FAM91A1: variants seen among roughly 807,000 people sequenced by gnomAD.
The protein encoded by FAM91A1 is family with sequence similarity 91 member A1.
In FAM91A1, 41 loss-of-function variants were observed where a neutral mutation model predicts 113.5. The ratio of observed to expected loss-of-function variants is 0.36; its 90% CI spans 0.28 to 0.47. FAM91A1 has a LOEUF of 0.47. FAM91A1 is among the 20% of genes least tolerant of loss of function. The probability of loss-of-function intolerance (pLI) is 1.00; values close to 1 mark genes in which losing one functional copy is unlikely to be tolerated. For synonymous variants in FAM91A1, 307 were observed against 347.9 expected (o/e 0.88, Z 1.31); for missense variants, 696 against 1,001.2 (o/e 0.70, Z 4.11).
At chr8:123,803,769 G>A (rs1205442702) in intron 18 of FAM91A1, among the ~76,000 whole-genome samples, 3 of 152,104 alleles carry the variant, frequency 2.0e-5, no homozygotes, top group African/African-American at 7.2e-5. Flanking sequence ...TCAGGTTTAG[G>A]AAATAAAAGA....
intron 3 of FAM91A1, 68 bp downstream of exon 3, chr8:123,775,366 T>C (rs1172424513): frequency 7.7e-6 from 12 of 1,551,666 alleles, no homozygotes; most frequent in Non-Finnish European, 1.1e-5. Context: ...TTTTTGCAGA[T>C]GTTCACCAGC....
rs998629667 is a variant in FAM91A1, at chr8:123,768,532, C to T, written c.-171C>T. On this transcript the variant is annotated 5_prime_UTR_variant, in exon 1 of 24. Coordinates refer to ENST00000334705, the MANE Select transcript of FAM91A1 (RefSeq NM_144963.4). Reference sequence around the variant, plus strand: ...GCTGCTGCTCTTGTACTCGGTTGGCCCGGGCGGCGCTGAACTGTCGGGAGC... The same window carrying T: ...GCTGCTGCTCTTGTACTCGGTTGGCTCGGGCGGCGCTGAACTGTCGGGAGC... The T allele has an allele frequency of 2.4e-5, 13 of 541,702 alleles. No homozygotes were observed. Among genetic ancestry groups the T allele is most frequent in the Non-Finnish European group, 3.9e-5 (12 of 310,402 alleles). The allele number at this position is 541,702 out of a possible 1,614,324, so 33.6% of individuals were successfully genotyped here. A position where few individuals can be genotyped will look rare whatever the true frequency, so the allele number is the denominator to read the frequency against.
intron 5 of FAM91A1, among the ~76,000 whole-genome samples, chr8:123,778,420 G>A (rs1815038996): frequency 6.6e-6 from 1 of 152,122 alleles, no homozygotes; most frequent in African/African-American, 2.4e-5. Flanking sequence ...TTTCACTTGA[G>A]TTTGTGGAAG....
At chr8:123,778,345 T>A (rs1166408855) in intron 5 of FAM91A1, among the ~76,000 whole-genome samples, 1 of 152,218 alleles carries the variant, frequency 6.6e-6, no homozygotes, top group Non-Finnish European at 1.5e-5. Flanking sequence ...TCATTCTACT[T>A]GTACAGTTCA....
intron 12 of FAM91A1, among the ~76,000 whole-genome samples, chr8:123,786,995 G>A (rs907455373): frequency 2.6e-5 from 4 of 152,142 alleles, no homozygotes; most frequent in African/African-American, 9.7e-5. Flanking sequence ...GGTCAGGGAA[G>A]GAAAGCCATT....
At chr8:123,806,337 T>C (rs1815811755) in intron 20 of FAM91A1, 108 bp downstream of exon 20, 1 of 1,171,120 alleles carries the variant, frequency 8.5e-7, no homozygotes, top group Non-Finnish European at 1.2e-6. Flanking sequence ...AATTATTGAA[T>C]ACTCAATATT....
At position 123,813,793 on chromosome 8, in the gene FAM91A1, A is replaced by G. The variant is rs547007933; in HGVS notation, c.*1089A>G. 3 of 152,746 alleles carry G rather than the reference A, an allele frequency of 2.0e-5. No individual in the cohort carries two copies. Among genetic ancestry groups the G allele is most frequent in the Admixed American group, 1.3e-4 (2 of 15,300 alleles). 9.5% of individuals were successfully genotyped at this position (152,746 alleles called of 1,614,324 possible). ...AATCACTTTTTAGACTTTTCAAGTT[A>G]CCTTCCTTGGGAAGTTTGTGCAGTG... On this transcript the variant is annotated 3_prime_UTR_variant, in exon 24 of 24. Coordinates refer to ENST00000334705, the MANE Select transcript of FAM91A1 (RefSeq NM_144963.4).
chr8:123,781,581 G>T lies in FAM91A1; in HGVS notation c.703+1039G>T, dbSNP rs369131899. 2.0e-5 allele frequency among the ~76,000 whole-genome samples: 3 copies of T among 150,478 alleles called. No homozygotes were observed. In the East Asian group the frequency reaches 5.9e-4, roughly 30 times the overall value. On this transcript the variant is annotated intron_variant, in intron 8 of 23. Coordinates refer to ENST00000334705, the MANE Select transcript of FAM91A1 (RefSeq NM_144963.4). ...CAACCTCTGCCTCCTGGGTTCAAGC[G>T]ATTCTCCTGCCTCAGTCTCCCGAAT...
chr8:123,784,375 G>A, intron 8 of FAM91A1, 95 bp from the exon 9 acceptor site: 1 of 868,572 alleles, frequency 1.2e-6, no homozygotes, highest in Non-Finnish European at 1.7e-6. Flanking sequence ...CAGTCCCTAA[G>A]TTAGAGGTTT....
chr8:123,791,302 T>C (rs963790985), intron 15 of FAM91A1, among the ~76,000 whole-genome samples: 8 of 151,940 alleles, frequency 5.3e-5, no homozygotes, highest in African/African-American at 1.9e-4. Flanking sequence ...GATTTTTTTT[T>C]TTCCATTGCC....
At position 123,815,171 on chromosome 8, in the gene FAM91A1, A is replaced by G. The variant is rs1057077141; in HGVS notation, c.*2467A>G. On this transcript the variant is annotated 3_prime_UTR_variant, in exon 24 of 24. Coordinates refer to ENST00000334705, the MANE Select transcript of FAM91A1 (RefSeq NM_144963.4). ...TTTCTTTTTTAAATTATGTAATCAG[A>G]TGATTTTATGTTTTTTTTTCAGGGG... The G allele has an allele frequency of 6.6e-6, 1 of 152,520 alleles. No individual in the cohort carries two copies. The highest frequency in any genetic ancestry group is 2.4e-5 in the African/African-American group (1 of 41,410). The allele number at this position is 152,520 out of a possible 1,614,324, so 9.4% of individuals were successfully genotyped here.
chr8:123,805,962 A>T, intron 19 of FAM91A1, 118 bp from the exon 20 acceptor site: 1 of 972,562 alleles, frequency 1.0e-6, no homozygotes, highest in South Asian at 3.7e-5. Context: ...TTTGGAATCA[A>T]TTATGATGTA....
At chr8:123,786,226 A>C (rs1815254329) in intron 11 of FAM91A1, 4 of 389,554 alleles carry the variant, frequency 1.0e-5, no homozygotes, top group Non-Finnish European at 1.9e-5. Flanking sequence ...ATGAAAACTA[A>C]GAAGGCTTTT....
intron 1 of FAM91A1, among the ~76,000 whole-genome samples, chr8:123,772,414 A>C (rs1814871470): frequency 6.6e-6 from 1 of 152,282 alleles, no homozygotes; most frequent in East Asian, 1.9e-4. Context: ...GCTATTTTGA[A>C]TCCTCTAAAT....
At chr8:123,768,858 CG>C in intron 1 of FAM91A1, 84 bp downstream of exon 1, 1 of 1,377,224 alleles carries the variant, frequency 7.3e-7, no homozygotes, top group Middle Eastern at 1.8e-4. Flanking sequence ...GGGGCCCGAG[CG>C]GGCTGCTGCC....
chr8:123,768,879 C>A lies in FAM91A1; in HGVS notation c.72+105C>A, dbSNP rs1287814679. 1.2e-5 allele frequency: 14 copies of A among 1,130,338 alleles called. No homozygotes were observed. In the South Asian group the frequency reaches 1.5e-4, roughly 12 times the overall value. The allele number at this position is 1,130,338 out of a possible 1,614,324, so 70.0% of individuals were successfully genotyped here. A position where few individuals can be genotyped will look rare whatever the true frequency, so the allele number is the denominator to read the frequency against. ...CGAGCGGGCTGCTGCCGGCTGACTC[C>A]CTTCCTTTACTCCTCCGTGGTCTTG... On this transcript the variant is annotated intron_variant, in intron 1 of 23. Coordinates refer to ENST00000334705, the MANE Select transcript of FAM91A1 (RefSeq NM_144963.4).
Position 123,786,569 on chromosome 8 carries a change from C to T in FAM91A1, c.1037C>T (p.Ser346Leu), listed in dbSNP as rs1325623307. 2.5e-6 allele frequency: 4 copies of T among 1,614,032 alleles called. No individual in the cohort carries two copies. In the African/African-American group the frequency reaches 5.3e-5, roughly 22 times the overall value. Residue 346 changes from serine to leucine, a missense_variant, in exon 12 of 24, where the codon TCA becomes TTA. By Grantham distance (145) the Ser-to-Leu change is moderately radical. Coordinates refer to ENST00000334705, the MANE Select transcript of FAM91A1 (RefSeq NM_144963.4). ...GESRSPVQEA[S>L]SATDTDTNSQ... ...AGTAGGAGTCCTGTACAAGAAGCTT[C>T]ATCGGCAACTGACACTGATACAAAT...
intron 3 of FAM91A1, among the ~76,000 whole-genome samples, 160 bp downstream of exon 3, chr8:123,775,458 G>A (rs1488370723): frequency 6.6e-6 from 1 of 152,148 alleles, no homozygotes; most frequent in African/African-American, 2.4e-5. Flanking sequence ...AACTGTTTGA[G>A]CCACACTGTA....
At chr8:123,792,566 T>C (rs913155413) in intron 15 of FAM91A1, among the ~76,000 whole-genome samples, 1 of 152,244 alleles carries the variant, frequency 6.6e-6, no homozygotes. Flanking sequence ...ATTCTAGTAC[T>C]GTGGAAATGT....
Sources: allele counts gnomAD v4.1 joint callset (sites outside exome capture counted in the v4.1 genomes callset), GRCh38; gene constraint gnomAD v4.1.1; transcripts MANE v1.5; gene names NCBI Gene and HGNC (gene_info 2026-07-23, HGNC 2026-07-21).